The following UBN2 variants were observed in gnomAD, a reference collection of about 807,000 sequenced individuals.
UBN2 encodes ubinuclein 2, also known as ubinuclein-2.
UBN2 carries 35 observed loss-of-function variants against 120.2 expected under a neutral mutation model. The ratio of observed to expected loss-of-function variants is 0.29; its 90% CI spans 0.22 to 0.39. The LOEUF is 0.39. UBN2 is among the 10% of genes least tolerant of loss of function. UBN2 has a pLI of 1.00. For synonymous variants in UBN2, 661 were observed against 648.7 expected, an observed-to-expected ratio of 1.02 and a Z score of -0.29; for missense variants, 1,693 against 1,663.2, an observed-to-expected ratio of 1.02 and a Z score of -0.31.
the UBN2 span, among the ~76,000 whole-genome samples, chr7:139,320,335 A>G: frequency 0.019 from 2,914 of 150,926 alleles, 104 homozygotes; most frequent in African/African-American, 0.067. Flanking sequence ...GGTGGCAGGC[A>G]CCTGTAATCC....
rs1353562683 is a variant in UBN2, at chr7:139,236,218, TG to T, written c.469-786del. On this transcript the variant is annotated intron_variant, in intron 1 of 17. Coordinates refer to ENST00000473989, the MANE Select transcript of UBN2 (RefSeq NM_173569.4). ...GCTTCTAGCTCTGTGTGTGTGTGTG[TG>T]TTAAACCATGTATTATAATAAACTT... Among the ~76,000 whole-genome samples the T allele has an allele frequency of 1.1e-4, 16 of 152,078 alleles. No individual in the cohort carries two copies. In the South Asian group the frequency reaches 2.1e-3, roughly 20 times the overall value.
intron 6 of UBN2, among the ~76,000 whole-genome samples, chr7:139,262,456 A>C (rs1435692519): frequency 6.6e-6 from 1 of 152,124 alleles, no homozygotes; most frequent in Non-Finnish European, 1.5e-5. Flanking sequence ...CATGCATGTA[A>C]TCCCAGCACT....
chr7:139,324,030 T>A, the UBN2 span, among the ~76,000 whole-genome samples: 2 of 152,104 alleles, frequency 1.3e-5, no homozygotes, highest in Admixed American at 1.3e-4. Flanking sequence ...TACTCTGAAG[T>A]ACTGTGTGGT....
chr7:139,292,721 A>G (rs1797995604), intron 15 of UBN2, among the ~76,000 whole-genome samples: 1 of 152,178 alleles, frequency 6.6e-6, no homozygotes, highest in Admixed American at 6.5e-5. Flanking sequence ...AAAGTTCTAC[A>G]CGGTGAGAAT....
intron 5 of UBN2, among the ~76,000 whole-genome samples, chr7:139,260,540 G>A (rs752166058): frequency 2.6e-5 from 4 of 152,118 alleles, no homozygotes; most frequent in Non-Finnish European, 4.4e-5. Flanking sequence ...TTTTCACAGA[G>A]CTAAGGGAAA....
chr7:139,284,198 T>A lies in UBN2; in HGVS notation c.3293T>A (p.Val1098Asp). 1 of 1,614,190 alleles carries A rather than the reference T, an allele frequency of 6.2e-7. No individual in the cohort carries two copies. The highest frequency in any genetic ancestry group is 8.5e-7 in the Non-Finnish European group (1 of 1,180,036). The change falls in exon 15 of 18, where the codon GTT becomes GAT. Residue 1098 changes from valine (V) to aspartate (D), a missense_variant. Coordinates refer to ENST00000473989, the MANE Select transcript of UBN2 (RefSeq NM_173569.4). ...SPSSSSPNAL[V>D]AQGSHSSTNS... The stretch of plus-strand genomic sequence containing the variant: ...AGTAGTTCCAGTCCAAATGCACTAG[T>A]TGCCCAGGGTAGCCACTCCAGCACT...
At chr7:139,277,922 T>TA (rs1231897813) in intron 12 of UBN2, among the ~76,000 whole-genome samples, 1 of 152,142 alleles carries the variant, frequency 6.6e-6, no homozygotes, top group East Asian at 1.9e-4. Context: ...ACAACAATAA[T>TA]AAAAGAGAAC....
At position 139,239,551 on chromosome 7, in the gene UBN2, CTTTTTTTTTT is replaced by C. The variant is rs774812960; in HGVS notation, c.561+2468_561+2477del. On this transcript the variant is annotated intron_variant, in intron 2 of 17. Coordinates refer to ENST00000473989, the MANE Select transcript of UBN2 (RefSeq NM_173569.4). ...TCCCTCCATCACTATATTAGAGTGT[CTTTTTTTTTT>C]TTTTTTTTTTTTTGAGGCAGAGTTT... Among the ~76,000 whole-genome samples, 18 of 94,566 alleles carry C rather than the reference CTTTTTTTTTT, an allele frequency of 1.9e-4. 1 individual carries two copies. In the South Asian group the frequency reaches 5.7e-3, roughly 30 times the overall value. The allele number at this position is 94,566 out of a possible 152,430, so 62.0% of individuals were successfully genotyped here.
chr7:139,263,426 T>TA (rs1268627748), intron 6 of UBN2, among the ~76,000 whole-genome samples: 1 of 152,120 alleles, frequency 6.6e-6, no homozygotes, highest in African/African-American at 2.4e-5. Flanking sequence ...GGATTGAGAC[T>TA]TATCAGTTGG....
chr7:139,258,599 G>T lies in UBN2; in HGVS notation c.775G>T (p.Asp259Tyr). The T allele has an allele frequency of 6.2e-7, 1 of 1,601,240 alleles. No homozygotes were observed. The highest frequency in any genetic ancestry group is 1.1e-5 in the South Asian group (1 of 89,046). ...AGATACTGAAGAAGATGATATTACA[G>T]ACAACCAAAAGCACAAGCCACCCAA... ...ASDTEEDDIT[D>Y]NQKHKPPKVP... Residue 259 changes from aspartate (D) to tyrosine (Y), a missense_variant, in exon 4 of 18, where the codon GAC (aspartate) becomes TAC (tyrosine). Asp to Tyr is a radical substitution (Grantham distance 160). Transcript: ENST00000473989.
chr7:139,296,513 C>G (rs1325362675), intron 17 of UBN2, among the ~76,000 whole-genome samples: 1 of 152,138 alleles, frequency 6.6e-6, no homozygotes, highest in Non-Finnish European at 1.5e-5. Context: ...TGCTGTCAGG[C>G]ATGGGTTGTC....
chr7:139,325,264 T>TC, the UBN2 span, among the ~76,000 whole-genome samples: 4,525 of 84,124 alleles, frequency 0.054, 150 homozygotes, highest in African/African-American at 0.14. Flanking sequence ...ATCACTGCTT[T>TC]TTTTTTTTTT....
In UBN2 at chr7:139,236,928, GATAA is replaced by G. The variant is rs757345908; in HGVS notation, c.469-71_469-68del. ...AGAATTGAAGTGGTTGTTACATAATGATAAATAAACAAACAATAATAATATTTGT... is the reference window on the plus strand; with the variant it reads ...AGAATTGAAGTGGTTGTTACATAATGATAAACAAACAATAATAATATTTGT... On this transcript the variant is annotated intron_variant, in intron 1 of 17. Coordinates refer to ENST00000473989, the MANE Select transcript of UBN2 (RefSeq NM_173569.4). 92 of 880,254 alleles carry G rather than the reference GATAA, an allele frequency of 1.0e-4. 1 individual carries two copies. The highest frequency in any genetic ancestry group is 6.9e-4 in the Middle Eastern group (2 of 2,880). 54.5% of individuals were successfully genotyped at this position (880,254 alleles called of 1,614,324 possible). A position where few individuals can be genotyped will look rare whatever the true frequency, so the allele number is the denominator to read the frequency against.
intron 2 of UBN2, among the ~76,000 whole-genome samples, chr7:139,242,823 G>A (rs1223054727): frequency 6.6e-6 from 1 of 152,200 alleles, no homozygotes; most frequent in Non-Finnish European, 1.5e-5. Context: ...TGTGTAGTCA[G>A]CTCTTGGCTG....
chr7:139,323,592 A>ATT, the UBN2 span, among the ~76,000 whole-genome samples: 2 of 120,648 alleles, frequency 1.7e-5, no homozygotes, highest in South Asian at 2.4e-4. Flanking sequence ...TATTATTATT[A>ATT]TTATTATTAT....
intron 3 of UBN2, 145 bp downstream of exon 3, chr7:139,252,202 C>CA: frequency 3.5e-6 from 2 of 573,760 alleles, no homozygotes; most frequent in South Asian, 7.2e-5. Flanking sequence ...ATTTCTTTAC[C>CA]CTTTTTTTTT....
chr7:139,258,419 A>C lies in UBN2; in HGVS notation c.664-69A>C, dbSNP rs556798660. ...AAGGGAGATGCTGCCATGGTGGATG[A>C]ATTTCTTTGACATTTATAGAGTTAA... On this transcript the variant is annotated intron_variant, in intron 3 of 17. Coordinates refer to ENST00000473989, the MANE Select transcript of UBN2 (RefSeq NM_173569.4). 4.9e-5 allele frequency: 63 copies of C among 1,274,488 alleles called. 2 individuals carry two copies. The African/African-American group carries it at 7.1e-4, about 14-fold the overall frequency. 78.9% of individuals were successfully genotyped at this position (1,274,488 alleles called of 1,614,324 possible).
rs1174431816 is a variant in UBN2 at position 139,231,666 on chromosome 7, C to G, written c.182C>G (p.Ser61Trp). 8.4e-7 allele frequency: 1 copy of G among 1,193,634 alleles called. No homozygotes were observed. The highest frequency in any genetic ancestry group is 4.5e-5 in the Admixed American group (1 of 21,990). The allele number at this position is 1,193,634 out of a possible 1,614,324, so 73.9% of individuals were successfully genotyped here. ...GCCCCGCGGGAGCCTGCCCCCCGCTCGGACGCGCAGCCCCCGTCGCGGGAG... is the reference window on the plus strand; with the variant it reads ...GCCCCGCGGGAGCCTGCCCCCCGCTGGGACGCGCAGCCCCCGTCGCGGGAG... ...PPAPREPAPR[S>W]DAQPPSREKP... The change falls in exon 1 of 18, where the codon TCG becomes TGG. Residue 61 changes from serine (S) to tryptophan (W), a missense_variant. Physicochemically the swap from Ser to Trp is radical, Grantham distance 177. This residue lies in a region of UBN2 where 663 missense variants were observed against 591.2 expected (regional missense o/e 1.12). Coordinates refer to ENST00000473989, the MANE Select transcript of UBN2 (RefSeq NM_173569.4).
At chr7:139,281,949 C>T (rs1361874649) in intron 13 of UBN2, 56 bp from the exon 14 acceptor site, 14 of 1,545,938 alleles carry the variant, frequency 9.1e-6, no homozygotes, top group Non-Finnish European at 1.2e-5. Flanking sequence ...AGAAAAAATA[C>T]TAAGGAAGTT....
Sources: gnomAD v4.1 joint callset for allele counts (sites outside exome capture counted in the v4.1 genomes callset) on GRCh38, gnomAD v4.1.1 for gene constraint, gnomAD v4.1.1 regional missense constraint, MANE v1.5 for transcripts, NCBI Gene and HGNC (gene_info 2026-07-23, HGNC 2026-07-21) for gene names.